PHKA1: variants seen among roughly 807,000 people sequenced by gnomAD.
The protein encoded by PHKA1 is phosphorylase b kinase regulatory subunit alpha, skeletal muscle isoform.
PHKA1 carries 60 observed loss-of-function variants against 110.2 expected under a neutral mutation model. The observed-to-expected ratio is 0.54, with a 90% confidence interval of 0.44 to 0.68. The LOEUF is 0.68. Ranked by LOEUF, PHKA1 falls within the 30% of genes least tolerant of loss-of-function variation. PHKA1 has a pLI of 0.00. For synonymous variants in PHKA1, 316 were observed against 333.6 expected (o/e 0.95, Z 0.58); for missense variants, 801 against 942.5 (o/e 0.85, Z 1.97).
At chrX:72,610,021 G>T (rs191796164) in intron 22 of PHKA1, among the ~76,000 whole-genome samples, 2 of 110,558 alleles carry the variant, frequency 1.8e-5, no homozygotes, top group Non-Finnish European at 3.8e-5. Flanking sequence ...TATTTATGGA[G>T]TACATGTGAT....
intron 23 of PHKA1, among the ~76,000 whole-genome samples, chrX:72,608,053 C>T (rs781985457): frequency 1.6e-4 from 18 of 111,333 alleles, no homozygotes; most frequent in East Asian, 5.7e-4. Context: ...ATACCCACCA[C>T]GGCTGGGCAT....
chrX:72,635,306 C>A lies in PHKA1; in HGVS notation c.1570-7G>T. On this transcript the variant is annotated splice_polypyrimidine_tract_variant and splice_region_variant and intron_variant, in intron 15 of 31. Coordinates refer to ENST00000373542, the MANE Select transcript of PHKA1 (RefSeq NM_002637.4). ...ACTGTTGCTGGTCTATAAACTGAGA[C>A]AAATAAAAATAATAGATTAGATTAA... is the stretch of plus-strand genomic sequence containing the variant. The A allele has an allele frequency of 8.4e-7, 1 of 1,193,686 alleles. No homozygotes were observed. Among genetic ancestry groups the A allele is most frequent in the Non-Finnish European group, 1.1e-6 (1 of 880,464 alleles).
intron 23 of PHKA1, among the ~76,000 whole-genome samples, chrX:72,606,562 A>T (rs1243337472): frequency 9.1e-6 from 1 of 110,052 alleles, no homozygotes; most frequent in East Asian, 2.8e-4. Context: ...TTTTCTTTAA[A>T]TTTTTTTTTA....
chrX:72,664,462 A>G (rs2053596450), intron 8 of PHKA1, among the ~76,000 whole-genome samples: 1 of 111,582 alleles, frequency 9.0e-6, no homozygotes, highest in Non-Finnish European at 1.9e-5. Flanking sequence ...GGAGAGTTAG[A>G]CTCCAGTACA....
intron 29 of PHKA1, among the ~76,000 whole-genome samples, chrX:72,586,761 C>A (rs142090278): frequency 9.1e-6 from 1 of 109,996 alleles, no homozygotes. Flanking sequence ...CTGCAAACCA[C>A]GGCACAAGAA....
At chrX:72,679,271 G>T (rs782560389) in intron 5 of PHKA1, among the ~76,000 whole-genome samples, 1 of 110,765 alleles carries the variant, frequency 9.0e-6, no homozygotes, top group South Asian at 3.8e-4. Context: ...CATGACTCTG[G>T]TCCCACAAAA....
intron 16 of PHKA1, among the ~76,000 whole-genome samples, chrX:72,630,796 A>C (rs1262962474): frequency 9.1e-6 from 1 of 110,487 alleles, no homozygotes; most frequent in East Asian, 2.8e-4. Context: ...ATTTTTTAAA[A>C]AATTTGTAGG....
intron 16 of PHKA1, among the ~76,000 whole-genome samples, chrX:72,627,759 G>C (rs1345125356): frequency 1.9e-5 from 2 of 107,726 alleles, no homozygotes; most frequent in Non-Finnish European, 3.8e-5. Context: ...CCCACTATAA[G>C]AGTTGTGCCA....
chrX:72,615,564 T>G (rs1410068094), intron 21 of PHKA1, among the ~76,000 whole-genome samples: 2 of 110,619 alleles, frequency 1.8e-5, no homozygotes, highest in African/African-American at 6.6e-5. Context: ...AGATTTTTTG[T>G]AAGCCTCATG....
intron 29 of PHKA1, among the ~76,000 whole-genome samples, chrX:72,588,722 A>G (rs901114194): frequency 6.3e-5 from 7 of 111,418 alleles, no homozygotes; most frequent in Non-Finnish European, 1.3e-4. Context: ...TCAAATAGAC[A>G]CAATAAAAAA....
chrX:72,669,770 C>T (rs1298890692), intron 6 of PHKA1, among the ~76,000 whole-genome samples: 12 of 110,203 alleles, frequency 1.1e-4, no homozygotes, highest in African/African-American at 4.0e-4. Flanking sequence ...TTTCTTAATC[C>T]AGACTATCAT....
At chrX:72,638,142 GT>G (rs1326210383) in intron 14 of PHKA1, among the ~76,000 whole-genome samples, 3 of 109,822 alleles carry the variant, frequency 2.7e-5, no homozygotes, top group African/African-American at 9.9e-5. Flanking sequence ...TTTTGTTTTT[GT>G]TTTTGTTTTT....
Position 72,676,913 on chromosome X carries a change from A to C in PHKA1, c.538-763T>G, listed in dbSNP as rs182663123. 1.2e-3 allele frequency among the ~76,000 whole-genome samples: 132 copies of C among 112,786 alleles called. 1 individual carries two copies. The Middle Eastern group carries it at 0.018, about 16-fold the overall frequency. On this transcript the variant is annotated intron_variant, in intron 5 of 31. Transcript: ENST00000373542. ...TAACATAACCACAGTGTAATAGTTAAAGCTAAGAAATTAAAATTGGCACAA... is the reference window on the plus strand; with the variant it reads ...TAACATAACCACAGTGTAATAGTTACAGCTAAGAAATTAAAATTGGCACAA...
chrX:72,587,840 C>T (rs1173262466), intron 29 of PHKA1, among the ~76,000 whole-genome samples: 5 of 111,491 alleles, frequency 4.5e-5, no homozygotes, highest in Non-Finnish European at 7.5e-5. Flanking sequence ...ACAAAGAAGG[C>T]CATTCCATAA....
chrX:72,643,655 G>T (rs1556296352), intron 14 of PHKA1, among the ~76,000 whole-genome samples: 1 of 111,416 alleles, frequency 9.0e-6, no homozygotes, highest in Non-Finnish European at 1.9e-5. Context: ...TTATAGTCTG[G>T]TCTTCCTCTG....
chrX:72,698,111 C>A (rs1393640740), intron 3 of PHKA1, among the ~76,000 whole-genome samples: 4 of 110,331 alleles, frequency 3.6e-5, no homozygotes, highest in Non-Finnish European at 5.7e-5. Flanking sequence ...CTGTTTCCTT[C>A]AATGTGCAAA....
chrX:72,589,507 A>T (rs1227866378), intron 29 of PHKA1, among the ~76,000 whole-genome samples: 1 of 112,017 alleles, frequency 8.9e-6, no homozygotes, highest in Admixed American at 9.5e-5. Flanking sequence ...ATTGCCTTTG[A>T]AAACTGGCAC....
At chrX:72,612,785 T>G (rs955054813) in intron 21 of PHKA1, among the ~76,000 whole-genome samples, 18 of 112,296 alleles carry the variant, frequency 1.6e-4, no homozygotes, top group African/African-American at 5.5e-4. Context: ...AGATGAGTTC[T>G]GTGTTCCCTT....
chrX:72,691,559 A>G (rs184685746), intron 4 of PHKA1, among the ~76,000 whole-genome samples: 219 of 112,280 alleles, frequency 2.0e-3, no homozygotes, highest in African/African-American at 6.8e-3. Flanking sequence ...TTCTTTCAAC[A>G]ATGTTTCATA....
Sources: allele counts gnomAD v4.1 joint callset (sites outside exome capture counted in the v4.1 genomes callset), GRCh38; gene constraint gnomAD v4.1.1; transcripts MANE v1.5; gene names NCBI Gene and HGNC (gene_info 2026-07-23, HGNC 2026-07-21).